The following ZRANB2 variants were observed in gnomAD, a reference collection of about 807,000 sequenced individuals.
The protein encoded by ZRANB2 is zinc finger Ran-binding domain-containing protein 2.
In ZRANB2, 19 loss-of-function variants were observed where a neutral mutation model predicts 53.4. That is an observed-to-expected ratio of 0.36 (90% confidence interval 0.25 to 0.52). The LOEUF is 0.52. Among genes scored for constraint, ZRANB2 ranks in the 20% least tolerant of loss-of-function variants. ZRANB2 has a pLI of 0.93. For missense variants in ZRANB2, 309 were observed against 401.1 expected (o/e 0.77, Z 1.96); for synonymous variants, 145 against 134.8 (o/e 1.08, Z -0.52).
intron 9 of ZRANB2, 52 bp downstream of exon 9, chr1:71,066,724 T>C: frequency 5.8e-6 from 9 of 1,545,842 alleles, no homozygotes; most frequent in Non-Finnish European, 7.8e-6. Context: ...GTTTACTTTA[T>C]CTATTAAACA....
chr1:71,063,989 A>C lies in ZRANB2; in HGVS notation c.*1085T>G, dbSNP rs550907236. 1.8e-4 allele frequency: 27 copies of C among 152,586 alleles called. No homozygotes were observed. The highest frequency in any genetic ancestry group is 6.3e-4 in the African/African-American group (26 of 41,576). The allele number at this position is 152,586 out of a possible 1,614,324, so 9.5% of individuals were successfully genotyped here. A position where few individuals can be genotyped will look rare whatever the true frequency, so the allele number is the denominator to read the frequency against. On this transcript the variant is annotated 3_prime_UTR_variant, in exon 10 of 10. Coordinates refer to ENST00000370920, the MANE Select transcript of ZRANB2 (RefSeq NM_203350.3). Reference sequence around the variant, plus strand: ...CTTTTTATTTTTTAAACCAGAAAACAAACTAAAGCTCATGTGACCAGATTT... The same window carrying C: ...CTTTTTATTTTTTAAACCAGAAAACCAACTAAAGCTCATGTGACCAGATTT...
chr1:71,073,201 C>A (rs918994266), intron 4 of ZRANB2, among the ~76,000 whole-genome samples: 3 of 151,974 alleles, frequency 2.0e-5, no homozygotes, highest in African/African-American at 4.8e-5. Flanking sequence ...ATGTCACAAC[C>A]AATGTATACA....
At chr1:71,072,311 C>G in intron 5 of ZRANB2, 56 bp from the exon 6 acceptor site, 1 of 1,506,758 alleles carries the variant, frequency 6.6e-7, no homozygotes, top group Non-Finnish European at 9.0e-7. Context: ...AAACTTAATA[C>G]ATTTTCTAAA....
At position 71,076,779 on chromosome 1, in the gene ZRANB2, T is replaced by C; in HGVS notation, c.301+16A>G. The C allele has an allele frequency of 1.3e-6, 2 of 1,571,426 alleles. No individual in the cohort carries two copies. Among genetic ancestry groups the C allele is most frequent in the Non-Finnish European group, 1.7e-6 (2 of 1,146,376 alleles). ...TTTAAAAAAAATCATTTAGTTACAA[T>C]GTGGTTTTATCATACCTGTTCTTTC... On this transcript the variant is annotated intron_variant, in intron 4 of 9. Coordinates refer to ENST00000370920, the MANE Select transcript of ZRANB2 (RefSeq NM_203350.3).
In ZRANB2 at chr1:71,072,035, C is replaced by T. The variant is rs543557378; in HGVS notation, c.513+86G>A. 38 of 1,509,808 alleles carry T rather than the reference C, an allele frequency of 2.5e-5. No individual in the cohort carries two copies. The East Asian group carries it at 2.8e-4, about 11-fold the overall frequency. 93.5% of individuals were successfully genotyped at this position (1,509,808 alleles called of 1,614,324 possible). Reference sequence around the variant, plus strand: ...AATGAAAACACAGAATATATTTTCACCAAGTGTCTGAGGCTGTCAAAAGCA... The same window carrying T: ...AATGAAAACACAGAATATATTTTCATCAAGTGTCTGAGGCTGTCAAAAGCA... On this transcript the variant is annotated intron_variant, in intron 6 of 9. Transcript: ENST00000370920.
At chr1:71,080,771 C>T (rs1307251503) in intron 1 of ZRANB2, among the ~76,000 whole-genome samples, 169 bp downstream of exon 1, 2 of 152,332 alleles carry the variant, frequency 1.3e-5, no homozygotes, top group Middle Eastern at 3.4e-3. Flanking sequence ...CCCGGAAAGA[C>T]CTCTCTCGTG....
chr1:71,078,935 A>C (rs1263009686), intron 1 of ZRANB2, among the ~76,000 whole-genome samples: 1 of 152,172 alleles, frequency 6.6e-6, no homozygotes, highest in Non-Finnish European at 1.5e-5. Flanking sequence ...CAGTCATGTG[A>C]TCTTGATTAA....
At position 71,078,658 on chromosome 1, in the gene ZRANB2, C is replaced by T. The variant is rs531204550; in HGVS notation, c.107G>A (p.Arg36Gln). Residue 36 changes from arginine (R) to glutamine (Q), a missense_variant and splice_region_variant, in exon 2 of 10, where the codon CGG (arginine) becomes CAG (glutamine). Coordinates refer to ENST00000370920, the MANE Select transcript of ZRANB2 (RefSeq NM_203350.3). The part of the protein sequence containing the change: ...ARRTSCNRCG[R>Q]EKTTEAKMMK... ...TAGAATCTTCTTTAAATACTTACCC[C>T]GACCACATCGATTACAGCTGGTTCT... 102 of 1,612,766 alleles carry T rather than the reference C, an allele frequency of 6.3e-5. No individual in the cohort carries two copies. The highest frequency in any genetic ancestry group is 2.7e-4 in the African/African-American group (20 of 74,970).
At chr1:71,072,406 T>C (rs184703829) in intron 5 of ZRANB2, 66 bp downstream of exon 5, 239 of 1,519,030 alleles carry the variant, frequency 1.6e-4, no homozygotes, top group Non-Finnish European at 2.1e-4. Context: ...TTGTTTTCCT[T>C]TGCATTTAAG....
intron 1 of ZRANB2, among the ~76,000 whole-genome samples, chr1:71,080,488 T>C (rs144109070): frequency 1.3e-3 from 201 of 152,012 alleles, no homozygotes; most frequent in Non-Finnish European, 2.4e-3. Flanking sequence ...TGAGTAAAAA[T>C]ACAAAACAAG....
chr1:71,079,703 G>A (rs1661792795), intron 1 of ZRANB2, among the ~76,000 whole-genome samples: 2 of 152,146 alleles, frequency 1.3e-5, no homozygotes, highest in Admixed American at 6.5e-5. Context: ...CTCATTGAGA[G>A]TCCTACCTCT....
chr1:71,071,054 G>C, intron 6 of ZRANB2, 58 bp from the exon 7 acceptor site: 1 of 1,435,068 alleles, frequency 7.0e-7, no homozygotes, highest in South Asian at 1.5e-5. Context: ...TACCAGGAAA[G>C]ATAAAACAGT....
intron 1 of ZRANB2, among the ~76,000 whole-genome samples, chr1:71,080,016 C>CT (rs1661801736): frequency 6.6e-6 from 1 of 152,000 alleles, no homozygotes; most frequent in Admixed American, 6.5e-5. Context: ...AATTCTATTC[C>CT]TTTTTTAGCA....
At chr1:71,080,385 T>G (rs1398006548) in intron 1 of ZRANB2, among the ~76,000 whole-genome samples, 1 of 152,034 alleles carries the variant, frequency 6.6e-6, no homozygotes, top group Non-Finnish European at 1.5e-5. Flanking sequence ...CCAATTCTTG[T>G]GGAGAAATGA....
intron 8 of ZRANB2, among the ~76,000 whole-genome samples, chr1:71,068,053 C>T (rs1037698781): frequency 1.3e-5 from 2 of 151,894 alleles, no homozygotes; most frequent in African/African-American, 2.4e-5. Context: ...TTTTAGTAGA[C>T]GAGGTCTCAC....
At chr1:71,078,747 T>C in intron 1 of ZRANB2, 39 bp from the exon 2 acceptor site, 1 of 1,553,240 alleles carries the variant, frequency 6.4e-7, no homozygotes, top group Non-Finnish European at 8.8e-7. Context: ...AAATTTAAAT[T>C]TGTAAAATTT....
chr1:71,080,837 G>C, intron 1 of ZRANB2, 103 bp downstream of exon 1: 2 of 1,406,844 alleles, frequency 1.4e-6, no homozygotes, highest in East Asian at 2.3e-5. Flanking sequence ...GCCTCAACCC[G>C]TCTTAAGGCA....
At position 71,072,121 on chromosome 1, in the gene ZRANB2, CTCA is replaced by C. The variant is rs1309495283; in HGVS notation, c.510_512del (p.Asp170del). 2 of 1,603,210 alleles carry C rather than the reference CTCA, an allele frequency of 1.2e-6. No homozygotes were observed. The highest frequency in any genetic ancestry group is 3.5e-5 in the Admixed American group (2 of 57,416). ...GAAATAGGACAAGAAAATTGTTCAC[CTCA>C]TCTAACTTATATTTAGAAAGATCTT... is the stretch of plus-strand genomic sequence containing the variant. On this transcript the variant is annotated inframe_deletion and splice_region_variant, in exon 6 of 10. Coordinates refer to ENST00000370920, the MANE Select transcript of ZRANB2 (RefSeq NM_203350.3).
intron 1 of ZRANB2, 111 bp downstream of exon 1, chr1:71,080,829 C>T: frequency 7.6e-7 from 1 of 1,323,910 alleles, no homozygotes; most frequent in East Asian, 2.3e-5. Context: ...GGTTCGCCGC[C>T]TCAACCCGTC....
Sources: gnomAD v4.1 joint callset for allele counts (sites outside exome capture counted in the v4.1 genomes callset) on GRCh38, gnomAD v4.1.1 for gene constraint, MANE v1.5 for transcripts, NCBI Gene and HGNC (gene_info 2026-07-23, HGNC 2026-07-21) for gene names.